The following SLC15A2 variants were observed in gnomAD, a reference collection of about 807,000 sequenced individuals.
The protein encoded by SLC15A2 is solute carrier family 15 member 2.
A neutral mutation model predicts 95.5 loss-of-function variants in SLC15A2; 77 were observed. The observed-to-expected ratio is 0.81, with a 90% CI of 0.67 to 0.97. The LOEUF is 0.97. Among genes scored for constraint, SLC15A2 ranks in the 50% least tolerant of loss-of-function variants. SLC15A2 has a pLI of 0.00. For synonymous variants in SLC15A2, 306 were observed against 306.9 expected, an observed-to-expected ratio of 1.00 and a Z score of 0.03; for missense variants, 893 against 874.4, an observed-to-expected ratio of 1.02 and a Z score of -0.27.
intron 3 of SLC15A2, among the ~76,000 whole-genome samples, chr3:121,911,049 A>C (rs1709756720): frequency 6.6e-6 from 1 of 152,014 alleles, no homozygotes; most frequent in Admixed American, 6.6e-5. Flanking sequence ...AGAGCTTTTT[A>C]CCTCCCAGTG....
At chr3:121,917,812 A>G (rs776042105) in intron 7 of SLC15A2, among the ~76,000 whole-genome samples, 1 of 152,204 alleles carries the variant, frequency 6.6e-6, no homozygotes, top group Non-Finnish European at 1.5e-5. Flanking sequence ...ATCAATAAAG[A>G]AATTATAAGT....
intron 7 of SLC15A2, among the ~76,000 whole-genome samples, chr3:121,917,333 T>C (rs1470687712): frequency 6.6e-6 from 1 of 152,192 alleles, no homozygotes; most frequent in Non-Finnish European, 1.5e-5. Flanking sequence ...CCCAGATCAA[T>C]ATAGTGTGAT....
In SLC15A2 at chr3:121,941,707, T is replaced by C. The variant is rs1710466424; in HGVS notation, c.*700T>C. The C allele has an allele frequency of 6.6e-6, 1 of 152,224 alleles. No individual in the cohort carries two copies. The highest frequency in any genetic ancestry group is 2.4e-5 in the African/African-American group (1 of 41,462). The allele number at this position is 152,224 out of a possible 1,614,324, so 9.4% of individuals were successfully genotyped here. On this transcript the variant is annotated 3_prime_UTR_variant, in exon 22 of 22. Transcript: ENST00000489711. Reference sequence around the variant, plus strand: ...GAAACCAGATTAGAGATAGTAAGCATTAGTAAACATTGTTCTGGAGAACAG... The same window carrying C: ...GAAACCAGATTAGAGATAGTAAGCACTAGTAAACATTGTTCTGGAGAACAG...
chr3:121,927,516 A>T (rs911083477), intron 13 of SLC15A2: 2 of 444,428 alleles, frequency 4.5e-6, no homozygotes, highest in Non-Finnish European at 8.1e-6. Flanking sequence ...GGCTTCTCCC[A>T]TGATTGAAAG....
chr3:121,928,171 T>C (rs982545639), intron 14 of SLC15A2: 3 of 557,740 alleles, frequency 5.4e-6, no homozygotes, highest in Non-Finnish European at 9.5e-6. Flanking sequence ...ATAGCCACTA[T>C]TACGGATGAG....
At chr3:121,898,381 A>T (rs533724197) in intron 3 of SLC15A2, among the ~76,000 whole-genome samples, 49 of 152,108 alleles carry the variant, frequency 3.2e-4, no homozygotes, top group Non-Finnish European at 5.3e-4. Flanking sequence ...CATTCAGTTC[A>T]GTATCTTTTA....
At chr3:121,916,260 T>C (rs1709892591) in intron 7 of SLC15A2, among the ~76,000 whole-genome samples, 1 of 152,114 alleles carries the variant, frequency 6.6e-6, no homozygotes, top group Non-Finnish European at 1.5e-5. Context: ...TTAAATCAAG[T>C]GGCATTCTCT....
intron 19 of SLC15A2, among the ~76,000 whole-genome samples, chr3:121,938,180 G>C (rs1334811361): frequency 2.0e-5 from 3 of 151,954 alleles, no homozygotes; most frequent in African/African-American, 4.8e-5. Context: ...CTGTCAGACA[G>C]GGACATTTAA....
At chr3:121,902,821 T>C (rs890325539) in intron 3 of SLC15A2, among the ~76,000 whole-genome samples, 68 of 152,344 alleles carry the variant, frequency 4.5e-4, no homozygotes, top group Non-Finnish European at 8.5e-4. Context: ...AGTAAACATA[T>C]GTATGCATGT....
chr3:121,930,267 A>G (rs533737346), intron 17 of SLC15A2, among the ~76,000 whole-genome samples: 1 of 152,298 alleles, frequency 6.6e-6, no homozygotes, highest in East Asian at 1.9e-4. Context: ...TCTAGGTGCC[A>G]GGTTCAGAAA....
At chr3:121,906,297 C>G (rs1709642324) in intron 3 of SLC15A2, among the ~76,000 whole-genome samples, 1 of 152,150 alleles carries the variant, frequency 6.6e-6, no homozygotes, top group South Asian at 2.1e-4. Flanking sequence ...ACTGATGGGT[C>G]TTGACTCTTT....
chr3:121,937,473 C>CT (rs1263637724), intron 19 of SLC15A2, among the ~76,000 whole-genome samples: 1 of 142,196 alleles, frequency 7.0e-6, no homozygotes, highest in African/African-American at 2.6e-5. Flanking sequence ...TCTTTTTATT[C>CT]TTTTTTCTCT....
At position 121,916,264 on chromosome 3, in the gene SLC15A2, A is replaced by G. The variant is rs111809561; in HGVS notation, c.697+571A>G. Among the ~76,000 whole-genome samples the G allele has an allele frequency of 9.2e-5, 14 of 152,316 alleles. 1 individual carries two copies. The highest frequency in any genetic ancestry group is 4.1e-4 in the South Asian group (2 of 4,822). ...ATTAATGCAACTTAAATCAAGTGGC[A>G]TTCTCTTTATCCCTGAGAACCCAGT... On this transcript the variant is annotated intron_variant, in intron 7 of 21. Coordinates refer to ENST00000489711, the MANE Select transcript of SLC15A2 (RefSeq NM_021082.4).
At chr3:121,931,552 T>C in intron 18 of SLC15A2, 87 bp from the exon 19 acceptor site, 1 of 778,794 alleles carries the variant, frequency 1.3e-6, no homozygotes, top group East Asian at 2.5e-5. Flanking sequence ...TCACCATCAG[T>C]AGAGAGATGA....
At chr3:121,894,637 C>G in intron 1 of SLC15A2, 56 bp downstream of exon 1, 3 of 1,374,226 alleles carry the variant, frequency 2.2e-6, no homozygotes, top group East Asian at 2.3e-5. Flanking sequence ...TCTTTTGGCT[C>G]TCTTCCTTGG....
chr3:121,913,052 G>A lies in SLC15A2; in HGVS notation c.460G>A (p.Ala154Thr). 1 of 1,613,720 alleles carries A rather than the reference G, an allele frequency of 6.2e-7. No homozygotes were observed. The highest frequency in any genetic ancestry group is 8.5e-7 in the Non-Finnish European group (1 of 1,179,716). ...ATCATTGATCGGCCTGAGTCTAATA[G>A]CTTTGGGGACAGGAGGCATCAAACC... ...VLSLIGLSLI[A>T]LGTGGIKPCV... Residue 154 changes from alanine (A) to threonine (T), a missense_variant, in exon 5 of 22, where the codon GCT (alanine) becomes ACT (threonine). Physicochemically the swap from Ala to Thr is moderately conservative, Grantham distance 58. Coordinates refer to ENST00000489711, the MANE Select transcript of SLC15A2 (RefSeq NM_021082.4).
chr3:121,925,255 GTAA>G (rs1325774044), intron 13 of SLC15A2, among the ~76,000 whole-genome samples: 1 of 119,224 alleles, frequency 8.4e-6, no homozygotes, highest in African/African-American at 3.2e-5. Flanking sequence ...ACTTAACTGT[GTAA>G]TGGTGGTGGA....
chr3:121,896,259 A>T, intron 1 of SLC15A2, 147 bp from the exon 2 acceptor site: 1 of 651,438 alleles, frequency 1.5e-6, no homozygotes. Context: ...GTGTTACCTA[A>T]TAGGTGTGTC....
intron 3 of SLC15A2, among the ~76,000 whole-genome samples, chr3:121,911,125 C>T (rs913311281): frequency 6.6e-6 from 1 of 152,268 alleles, no homozygotes; most frequent in Admixed American, 6.5e-5. Flanking sequence ...CTTCCTTGAC[C>T]CTTCTTGCTC....
Sources: gnomAD v4.1 joint callset for allele counts (sites outside exome capture counted in the v4.1 genomes callset) on GRCh38, gnomAD v4.1.1 for gene constraint, MANE v1.5 for transcripts, NCBI Gene and HGNC (gene_info 2026-07-23, HGNC 2026-07-21) for gene names.